SYT9: variants seen among roughly 807,000 people sequenced by gnomAD.
SYT9 encodes synaptotagmin-9.
SYT9 carries 22 observed loss-of-function variants against 48.4 expected under a neutral mutation model. The observed-to-expected ratio is 0.45, with a 90% CI of 0.32 to 0.65. The LOEUF is 0.65. Among genes scored for constraint, SYT9 ranks in the 30% least tolerant of loss-of-function variants. The probability of loss-of-function intolerance (pLI) is 0.03; values close to 1 mark genes in which losing one functional copy is unlikely to be tolerated. For missense variants in SYT9, 577 were observed against 622.0 expected (o/e 0.93, Z 0.77); for synonymous variants, 265 against 245.0 (o/e 1.08, Z -0.76).
chr11:7,291,052 C>T (rs1009284363), intron 1 of SYT9, among the ~76,000 whole-genome samples: 1 of 152,162 alleles, frequency 6.6e-6, no homozygotes, highest in African/African-American at 2.4e-5. Context: ...AGTAGAGGGA[C>T]ACATGCAATG....
chr11:7,324,261 C>G (rs1173107519), intron 3 of SYT9, among the ~76,000 whole-genome samples: 3 of 151,674 alleles, frequency 2.0e-5, no homozygotes, highest in Non-Finnish European at 3.0e-5. Context: ...CTGGTTATGT[C>G]CTTATTCTCA....
intron 6 of SYT9, among the ~76,000 whole-genome samples, chr11:7,442,845 C>A (rs1216055423): frequency 6.9e-6 from 1 of 145,524 alleles, no homozygotes; most frequent in African/African-American, 2.7e-5. Flanking sequence ...TTCATTGATA[C>A]ATCCATTCAA....
At chr11:7,245,893 G>A (rs564512785) in intron 1 of SYT9, among the ~76,000 whole-genome samples, 1 of 152,208 alleles carries the variant, frequency 6.6e-6, no homozygotes, top group African/African-American at 2.4e-5. Context: ...TGCTCTTTAC[G>A]AAATAATTGT....
intron 3 of SYT9, among the ~76,000 whole-genome samples, chr11:7,415,397 G>A (rs1311801342): frequency 6.6e-6 from 1 of 152,176 alleles, no homozygotes; most frequent in Non-Finnish European, 1.5e-5. Flanking sequence ...TATGCAGCCA[G>A]GGTGTGTGCT....
intron 1 of SYT9, among the ~76,000 whole-genome samples, chr11:7,297,655 C>T (rs982388): frequency 0.52 from 79,514 of 151,854 alleles, 20,940 homozygotes; most frequent in African/African-American, 0.57. Flanking sequence ...AGTACAGTTT[C>T]TCATGTACAC....
At chr11:7,403,284 G>T (rs912079128) in intron 3 of SYT9, among the ~76,000 whole-genome samples, 1 of 152,092 alleles carries the variant, frequency 6.6e-6, no homozygotes, top group Non-Finnish European at 1.5e-5. Flanking sequence ...TTGAGGCCAG[G>T]CACAGTGGCT....
At chr11:7,302,967 C>A in intron 1 of SYT9, 72 bp from the exon 2 acceptor site, 1 of 1,374,006 alleles carries the variant, frequency 7.3e-7, no homozygotes, top group South Asian at 1.3e-5. Flanking sequence ...GAGGGTCATT[C>A]TGCCCACGCT....
chr11:7,426,353 G>A (rs1452452278), intron 6 of SYT9, among the ~76,000 whole-genome samples: 2 of 152,106 alleles, frequency 1.3e-5, no homozygotes, highest in African/African-American at 4.8e-5. Context: ...CACATCAGCT[G>A]TTGAAGTCCC....
intron 3 of SYT9, among the ~76,000 whole-genome samples, chr11:7,413,363 C>T (rs1397956894): frequency 6.6e-6 from 1 of 152,190 alleles, no homozygotes; most frequent in Non-Finnish European, 1.5e-5. Flanking sequence ...TGTCACTGTG[C>T]TGCTCAGGGC....
chr11:7,369,929 G>A (rs981080419), intron 3 of SYT9, among the ~76,000 whole-genome samples: 2 of 151,514 alleles, frequency 1.3e-5, no homozygotes, highest in African/African-American at 2.4e-5. Flanking sequence ...AGTTTTTGGG[G>A]TACAGGTGAT....
chr11:7,314,868 C>T (rs1010776081), intron 3 of SYT9, among the ~76,000 whole-genome samples: 3 of 152,200 alleles, frequency 2.0e-5, no homozygotes, highest in Admixed American at 6.5e-5. Context: ...CAAGCACCAC[C>T]GTCTTTATTC....
At chr11:7,393,829 G>T (rs539898138) in intron 3 of SYT9, among the ~76,000 whole-genome samples, 1 of 151,576 alleles carries the variant, frequency 6.6e-6, no homozygotes. Flanking sequence ...GGGAGGTTGT[G>T]TGTTTCCAGG....
At chr11:7,385,925 C>T (rs369900852) in intron 3 of SYT9, among the ~76,000 whole-genome samples, 2 of 152,170 alleles carry the variant, frequency 1.3e-5, no homozygotes, top group Middle Eastern at 3.4e-3. Context: ...GGAATCTGAC[C>T]GTAATTATAT....
intron 3 of SYT9, among the ~76,000 whole-genome samples, chr11:7,370,020 C>T (rs1056386896): frequency 2.6e-5 from 4 of 151,942 alleles, no homozygotes; most frequent in East Asian, 1.9e-4. Context: ...TACACGGCAC[C>T]ATATTTTTAG....
At chr11:7,462,528 T>C (rs1295083062) in intron 6 of SYT9, among the ~76,000 whole-genome samples, 2 of 152,150 alleles carry the variant, frequency 1.3e-5, no homozygotes, top group African/African-American at 4.8e-5. Flanking sequence ...GCTAATCAGA[T>C]TGTAAACTGG....
intron 3 of SYT9, among the ~76,000 whole-genome samples, chr11:7,355,262 G>T (rs1299684669): frequency 6.6e-6 from 1 of 152,166 alleles, no homozygotes; most frequent in African/African-American, 2.4e-5. Context: ...TGACCTACAG[G>T]TATGCTGAGA....
intron 3 of SYT9, among the ~76,000 whole-genome samples, chr11:7,330,248 T>C (rs1849502862): frequency 1.3e-5 from 2 of 152,154 alleles, no homozygotes; most frequent in Non-Finnish European, 2.9e-5. Flanking sequence ...ATACACACAA[T>C]AGCATGGATG....
intron 3 of SYT9, among the ~76,000 whole-genome samples, chr11:7,343,675 A>G (rs1849750998): frequency 6.6e-6 from 1 of 152,066 alleles, no homozygotes; most frequent in Non-Finnish European, 1.5e-5. Flanking sequence ...TTCCAAAGTC[A>G]CTTCCACATT....
At chr11:7,293,130 A>G (rs1283317434) in intron 1 of SYT9, among the ~76,000 whole-genome samples, 1 of 152,218 alleles carries the variant, frequency 6.6e-6, no homozygotes, top group Non-Finnish European at 1.5e-5. Context: ...AATAGAAGGT[A>G]TAACAGAAAG....
Sources: gnomAD v4.1 joint callset for allele counts (sites outside exome capture counted in the v4.1 genomes callset) on GRCh38, gnomAD v4.1.1 for gene constraint, MANE v1.5 for transcripts, NCBI Gene and HGNC (gene_info 2026-07-23, HGNC 2026-07-21) for gene names.